BLTP1: variants seen among roughly 807,000 people sequenced by gnomAD.
BLTP1 encodes the protein bridge-like lipid transfer protein family member 1.
the BLTP1 span, chr4:122,206,995 T>G: frequency 1.1e-6 from 1 of 898,110 alleles, no homozygotes. Flanking sequence ...GTATAAAATT[T>G]TTTTAGTTAC....
chr4:122,152,977 A>G, the BLTP1 span: 1 of 985,284 alleles, frequency 1.0e-6, no homozygotes, highest in Non-Finnish European at 1.2e-6. Flanking sequence ...GGGTCGGTTG[A>G]CCGAGGGCGG....
At chr4:122,247,712 T>C in the BLTP1 span, 1 of 1,034,390 alleles carries the variant, frequency 9.7e-7, no homozygotes, top group Non-Finnish European at 1.2e-6. Context: ...GTCATTCTGT[T>C]TGTAAAACAG....
chr4:122,326,981 G>A, the BLTP1 span, among the ~76,000 whole-genome samples: 1 of 151,716 alleles, frequency 6.6e-6, no homozygotes, highest in Non-Finnish European at 1.5e-5. Context: ...GCATCCAGTA[G>A]TTTTAATAAC....
the BLTP1 span, among the ~76,000 whole-genome samples, chr4:122,191,548 A>G: frequency 3.9e-5 from 6 of 152,186 alleles, no homozygotes; most frequent in Non-Finnish European, 8.8e-5. Context: ...TACAAAAGTC[A>G]TGCATAGATA....
the BLTP1 span, among the ~76,000 whole-genome samples, chr4:122,351,514 A>C: frequency 6.6e-6 from 1 of 152,212 alleles, no homozygotes; most frequent in Non-Finnish European, 1.5e-5. Flanking sequence ...GGTTTTGTCC[A>C]AACCAGTTTA....
At chr4:122,212,909 A>G in the BLTP1 span, among the ~76,000 whole-genome samples, 1 of 152,148 alleles carries the variant, frequency 6.6e-6, no homozygotes, top group Non-Finnish European at 1.5e-5. Context: ...AAATTGTAAA[A>G]TTTTAAATTT....
chr4:122,273,703 A>G, the BLTP1 span, among the ~76,000 whole-genome samples: 6 of 152,028 alleles, frequency 3.9e-5, no homozygotes, highest in African/African-American at 1.4e-4. Flanking sequence ...CTGCAAACCT[A>G]GGTATAAGAA....
the BLTP1 span, chr4:122,207,930 C>T: frequency 1.0e-6 from 1 of 983,406 alleles, no homozygotes; most frequent in Non-Finnish European, 1.2e-6. Flanking sequence ...CTAATGTTTA[C>T]TAATTCATAT....
the BLTP1 span, chr4:122,251,091 GT>G: frequency 1.0e-6 from 1 of 985,306 alleles, no homozygotes. Flanking sequence ...CAAATTTTTG[GT>G]TGAAGAAATG....
chr4:122,302,226 GA>G, the BLTP1 span: 2 of 970,592 alleles, frequency 2.1e-6, no homozygotes, highest in African/African-American at 1.8e-5. Context: ...AACATAATGG[GA>G]AAAAATTGCT....
the BLTP1 span, chr4:122,240,116 T>C: frequency 6.2e-7 from 1 of 1,614,132 alleles, no homozygotes; most frequent in Non-Finnish European, 8.5e-7. Flanking sequence ...TTATAGAACA[T>C]CTATATATTG....
At chr4:122,338,567 A>G in the BLTP1 span, among the ~76,000 whole-genome samples, 2 of 152,114 alleles carry the variant, frequency 1.3e-5, no homozygotes, top group Non-Finnish European at 2.9e-5. Context: ...TGAACTATCT[A>G]AATATCTAAA....
chr4:122,350,234 A>G, the BLTP1 span: 51 of 985,270 alleles, frequency 5.2e-5, no homozygotes, highest in East Asian at 1.1e-4. Context: ...CTACCTGCCA[A>G]TGGAATTAGA....
At chr4:122,154,332 G>C in the BLTP1 span, 15 of 984,960 alleles carry the variant, frequency 1.5e-5, no homozygotes, top group Non-Finnish European at 1.8e-5. Context: ...TTCTGCTTCA[G>C]TTGTGGTTTA....
the BLTP1 span, chr4:122,154,963 T>C: frequency 1.1e-6 from 1 of 934,016 alleles, no homozygotes; most frequent in Non-Finnish European, 1.3e-6. Flanking sequence ...AAGTATATTT[T>C]TTATGAATTC....
At chr4:122,200,919 T>G in the BLTP1 span, 1 of 1,496,974 alleles carries the variant, frequency 6.7e-7, no homozygotes, top group Non-Finnish European at 8.9e-7. Context: ...TTTTAATTAC[T>G]CACTAGCGTG....
chr4:122,183,289 T>C, the BLTP1 span: 1 of 669,070 alleles, frequency 1.5e-6, no homozygotes, highest in Non-Finnish European at 1.8e-6. Context: ...TGAGCCATGG[T>C]TGCACCACTG....
At chr4:122,227,541 C>A in the BLTP1 span, 3 of 887,278 alleles carry the variant, frequency 3.4e-6, no homozygotes, top group Non-Finnish European at 4.1e-6. Context: ...TACCCTGGTT[C>A]TACAACACAG....
the BLTP1 span, chr4:122,281,834 ATAT>A: frequency 4.2e-6 from 6 of 1,416,712 alleles, no homozygotes; most frequent in Non-Finnish European, 5.6e-6. Context: ...GAAATTAGTA[ATAT>A]TTTGATAAAA....
Sources: allele counts gnomAD v4.1 joint callset (sites outside exome capture counted in the v4.1 genomes callset), GRCh38; gene constraint gnomAD v4.1.1; transcripts MANE v1.5; gene names NCBI Gene and HGNC (gene_info 2026-07-23, HGNC 2026-07-21).